Variants in NOS1 observed in about 807,000 individuals in gnomAD.
NOS1 encodes NOS type I.
NOS1 carries 51 observed loss-of-function variants against 164.5 expected under a neutral mutation model. The ratio of observed to expected loss-of-function variants is 0.31; its 90% confidence interval spans 0.25 to 0.39. The LOEUF (loss-of-function observed/expected upper bound fraction) is 0.39, where lower values mean the gene tolerates loss of function less well. Ranked by LOEUF, NOS1 falls within the 10% of genes least tolerant of loss-of-function variation. The pLI is 1.00. For missense variants in NOS1, 1,362 were observed against 1,885.6 expected, an observed-to-expected ratio of 0.72 and a Z score of 5.14; for synonymous variants, 719 against 745.8, an observed-to-expected ratio of 0.96 and a Z score of 0.59.
At position 117,213,535 on chromosome 12, in the gene NOS1, G is replaced by C. The variant is rs1956559111; in HGVS notation, c.*1774C>G. 2.0e-6 allele frequency: 2 copies of C among 985,494 alleles called. No individual in the cohort carries two copies. The highest frequency in any genetic ancestry group is 3.5e-5 in the African/African-American group (2 of 57,370). The allele number at this position is 985,494 out of a possible 1,614,324, so 61.0% of individuals were successfully genotyped here. A position where few individuals can be genotyped will look rare whatever the true frequency, so the allele number is the denominator to read the frequency against. ...GGATGGCAGAGCAAGGTGAGTCATA[G>C]ATTGCCTTTTCACTTTAACAGTCTC... On this transcript the variant is annotated 3_prime_UTR_variant, in exon 29 of 29. Transcript: ENST00000317775.
intron 13 of NOS1, among the ~76,000 whole-genome samples, chr12:117,262,425 AGG>A (rs539211401): frequency 4.3e-5 from 4 of 93,652 alleles, no homozygotes; most frequent in Admixed American, 1.3e-4. Context: ...GGAGGGAGGG[AGG>A]GAGAGAGAGA....
At chr12:117,295,531 A>C (rs570648784) in intron 3 of NOS1, among the ~76,000 whole-genome samples, 1 of 151,256 alleles carries the variant, frequency 6.6e-6, no homozygotes, top group East Asian at 2.0e-4. Flanking sequence ...TGGATGCCTG[A>C]TGTAAAGGGT....
At chr12:117,239,461 C>T (rs1016318884) in intron 20 of NOS1, among the ~76,000 whole-genome samples, 1 of 152,172 alleles carries the variant, frequency 6.6e-6, no homozygotes, top group Non-Finnish European at 1.5e-5. Context: ...AATTGTTGTA[C>T]GTGCATTAGA....
chr12:117,229,855 C>G (rs933325810), intron 22 of NOS1, among the ~76,000 whole-genome samples: 39 of 152,362 alleles, frequency 2.6e-4, no homozygotes, highest in African/African-American at 7.9e-4. Context: ...TCCCAAAGTG[C>G]TGGGATCACA....
Position 117,234,906 on chromosome 12 carries a change from C to CTATTATTATCAT in NOS1, c.3042-149_3042-148insATGATAATAATA, listed in dbSNP as rs1869573769. 5 of 439,788 alleles carry CTATTATTATCAT rather than the reference C, an allele frequency of 1.1e-5. No homozygotes were observed. Among genetic ancestry groups the CTATTATTATCAT allele is most frequent in the Non-Finnish European group, 2.0e-5 (5 of 255,978 alleles). The allele number at this position is 439,788 out of a possible 1,614,324, so 27.2% of individuals were successfully genotyped here. On this transcript the variant is annotated intron_variant, in intron 20 of 28. Coordinates refer to ENST00000317775, the MANE Select transcript of NOS1 (RefSeq NM_000620.5). This position sits in a 1 kb window ranked among gnomAD's most constrained non-coding sequence, Gnocchi z 4.3. ...TAACCAAGCCTATGCCCCCATCATT[C>CTATTATTATCAT]TATTATTATTATTATTATTATTATT...
chr12:117,240,622 T>C lies in NOS1; in HGVS notation c.3041+2005A>G, dbSNP rs149393626. ...TTGTTCCTATTTAAAATGTGTATGATAAGAGTGCCTACTTCCCAGGCTGGT... is the reference window on the plus strand; with the variant it reads ...TTGTTCCTATTTAAAATGTGTATGACAAGAGTGCCTACTTCCCAGGCTGGT... On this transcript the variant is annotated intron_variant, in intron 20 of 28. Coordinates refer to ENST00000317775, the MANE Select transcript of NOS1 (RefSeq NM_000620.5). 1.2e-3 allele frequency among the ~76,000 whole-genome samples: 187 copies of C among 152,330 alleles called. 1 individual carries two copies. Among genetic ancestry groups the C allele is most frequent in the African/African-American group, 4.3e-3 (177 of 41,560 alleles).
At position 117,331,172 on chromosome 12, in the gene NOS1, G is replaced by A; in HGVS notation, c.-103C>T. The stretch of plus-strand genomic sequence containing the variant: ...AGGCTTCAGGCTACACGGAGAGCAG[G>A]AGCCGGGGTGACAGGTGCTGACAAG... On this transcript the variant is annotated 5_prime_UTR_variant, in exon 2 of 29. Coordinates refer to ENST00000317775, the MANE Select transcript of NOS1 (RefSeq NM_000620.5). 7.0e-7 allele frequency: 1 copy of A among 1,422,448 alleles called. No homozygotes were observed. The highest frequency in any genetic ancestry group is 9.5e-7 in the Non-Finnish European group (1 of 1,053,090). 88.1% of individuals were successfully genotyped at this position (1,422,448 alleles called of 1,614,324 possible).
chr12:117,265,281 A>G, intron 12 of NOS1, 35 bp downstream of exon 12: 1 of 1,498,026 alleles, frequency 6.7e-7, no homozygotes, highest in Non-Finnish European at 9.0e-7. Flanking sequence ...GATACAGGAC[A>G]CTTAATATGA....
chr12:117,230,079 C>G (rs1196852798), intron 22 of NOS1, among the ~76,000 whole-genome samples: 1 of 152,134 alleles, frequency 6.6e-6, no homozygotes, highest in Non-Finnish European at 1.5e-5. Context: ...GCCATGACGC[C>G]CAGCTAATTT....
intron 2 of NOS1, among the ~76,000 whole-genome samples, chr12:117,320,703 G>A (rs555627410): frequency 2.0e-5 from 3 of 152,282 alleles, no homozygotes; most frequent in Admixed American, 6.5e-5. Flanking sequence ...CATGTGTCCA[G>A]CCTCACTGCC....
intron 20 of NOS1, among the ~76,000 whole-genome samples, chr12:117,240,004 C>T (rs1261774259): frequency 6.6e-6 from 1 of 152,118 alleles, no homozygotes; most frequent in Non-Finnish European, 1.5e-5. Context: ...TTTGGTTCCA[C>T]TTAGTATCAA....
intron 1 of NOS1, among the ~76,000 whole-genome samples, chr12:117,352,547 C>T (rs1430361838): frequency 2.0e-5 from 3 of 152,076 alleles, no homozygotes; most frequent in Non-Finnish European, 4.4e-5. Context: ...AAAGAGGGCT[C>T]GATTGGGATG....
At chr12:117,265,082 G>A (rs1178632826) in intron 12 of NOS1, among the ~76,000 whole-genome samples, 1 of 151,830 alleles carries the variant, frequency 6.6e-6, no homozygotes, top group Non-Finnish European at 1.5e-5. Flanking sequence ...CTGGCCTCAA[G>A]CCACCTTCCC....
rs772142612 is a variant in NOS1 at position 117,330,345 on chromosome 12, C to G, written c.725G>C (p.Arg242Thr). Residue 242 changes from arginine to threonine, a missense_variant and splice_region_variant, in exon 2 of 29, where the codon AGA becomes ACA. By Grantham distance (71) the Arg-to-Thr change is moderately conservative. Coordinates refer to ENST00000317775, the MANE Select transcript of NOS1 (RefSeq NM_000620.5). This position sits in a 1 kb window ranked among gnomAD's most constrained non-coding sequence, Gnocchi z 4.6. The stretch of plus-strand genomic sequence containing the variant: ...ACACACACACCCCTGTGGAGCTTAC[C>G]TGTCCACCTGGATTCCCATATCTTT... ...EMKDMGIQVDRDLDGKSHKPL... is the reference protein window; with the variant it reads ...EMKDMGIQVDTDLDGKSHKPL... The G allele has an allele frequency of 6.2e-7, 1 of 1,607,854 alleles. No homozygotes were observed. The highest frequency in any genetic ancestry group is 8.5e-7 in the Non-Finnish European group (1 of 1,176,886).
intron 3 of NOS1, among the ~76,000 whole-genome samples, chr12:117,308,628 G>C (rs1874275218): frequency 6.7e-6 from 1 of 149,164 alleles, no homozygotes; most frequent in Non-Finnish European, 1.5e-5. Flanking sequence ...ACAGAGTCTT[G>C]CTCTGTCGCC....
chr12:117,331,669 C>A (rs1421036682), intron 1 of NOS1, among the ~76,000 whole-genome samples, 180 bp from the exon 2 acceptor site: 1 of 152,152 alleles, frequency 6.6e-6, no homozygotes, highest in African/African-American at 2.4e-5. Flanking sequence ...GAGGGGGCAC[C>A]TTTCAAGGTT....
intron 17 of NOS1, among the ~76,000 whole-genome samples, chr12:117,251,182 G>C (rs975625879): frequency 1.3e-5 from 2 of 152,184 alleles, no homozygotes; most frequent in Admixed American, 6.5e-5. Flanking sequence ...GAGCCAGAGA[G>C]AGGGCCCTCA....
At chr12:117,288,040 T>C (rs2136022279) in intron 5 of NOS1, 34 bp downstream of exon 5, 1 of 1,611,792 alleles carries the variant, frequency 6.2e-7, no homozygotes, top group East Asian at 2.2e-5. Context: ...TTCGATAACT[T>C]ACCTCGGGCT....
intron 3 of NOS1, among the ~76,000 whole-genome samples, chr12:117,292,907 C>G (rs769176160): frequency 6.6e-6 from 1 of 152,152 alleles, no homozygotes; most frequent in Admixed American, 6.5e-5. Flanking sequence ...ATCGATTTAG[C>G]ACAATGGATG....
Sources: allele counts gnomAD v4.1 joint callset (sites outside exome capture counted in the v4.1 genomes callset), GRCh38; gene constraint gnomAD v4.1.1; non-coding constraint Gnocchi (gnomAD v3.1); transcripts MANE v1.5; gene names NCBI Gene and HGNC (gene_info 2026-07-23, HGNC 2026-07-21).